Variants in TPD52L2 observed in about 807,000 individuals in gnomAD.
TPD52L2 encodes tumor protein D54.
In TPD52L2, 19 loss-of-function variants were observed where a neutral mutation model predicts 24.7. The ratio of observed to expected loss-of-function variants is 0.77; its 90% confidence interval spans 0.54 to 1.13. TPD52L2 has a LOEUF of 1.13. TPD52L2 is among the 50% of genes most tolerant of loss of function. The probability of loss-of-function intolerance (pLI) is 0.00; values close to 1 mark genes in which losing one functional copy is unlikely to be tolerated. For missense variants in TPD52L2, 236 were observed against 250.4 expected (o/e 0.94, Z 0.39); for synonymous variants, 104 against 100.2 (o/e 1.04, Z -0.23).
chr20:63,877,187 G>A lies in TPD52L2; in HGVS notation c.374+1312G>A, dbSNP rs531179152. Reference sequence around the variant, plus strand: ...ACTACAGGCGCCCGCCACCACGCCCGGCTAATTTTTTCTATTTTTAGTAGA... The same window carrying A: ...ACTACAGGCGCCCGCCACCACGCCCAGCTAATTTTTTCTATTTTTAGTAGA... On this transcript the variant is annotated intron_variant, in intron 4 of 6. Coordinates refer to ENST00000346249, the MANE Select transcript of TPD52L2 (RefSeq NM_003288.4). This position sits in a 1 kb window ranked among gnomAD's most constrained non-coding sequence, Gnocchi z 4.1. 23 of 346,584 alleles carry A rather than the reference G, an allele frequency of 6.6e-5. No individual in the cohort carries two copies. Among genetic ancestry groups the A allele is most frequent in the African/African-American group, 4.7e-4 (22 of 46,442 alleles). The allele number at this position is 346,584 out of a possible 1,614,324, so 21.5% of individuals were successfully genotyped here.
Position 63,890,318 on chromosome 20 carries a change from A to G in TPD52L2, c.*373A>G, listed in dbSNP as rs2053283804. 5 of 305,522 alleles carry G rather than the reference A, an allele frequency of 1.6e-5. No homozygotes were observed. In the East Asian group the frequency reaches 2.7e-4, roughly 16 times the overall value. 18.9% of individuals were successfully genotyped at this position (305,522 alleles called of 1,614,324 possible). ...GAGTTCTAAGCATAAAATAAGTGGC[A>G]TTTTCTGACTTCTTCCTCCTCCTCC... On this transcript the variant is annotated 3_prime_UTR_variant, in exon 7 of 7. Transcript: ENST00000346249.
At chr20:63,888,140 A>C (rs973491693) in intron 5 of TPD52L2, 12 of 159,872 alleles carry the variant, frequency 7.5e-5, no homozygotes, top group African/African-American at 2.9e-4. Context: ...CCTGATTCTC[A>C]GGAGAGCCCT....
chr20:63,876,355 T>A (rs2052676387), intron 4 of TPD52L2, among the ~76,000 whole-genome samples: 1 of 152,168 alleles, frequency 6.6e-6, no homozygotes, highest in African/African-American at 2.4e-5. Context: ...GTGTAGGATA[T>A]GCTGGTGGAA....
chr20:63,889,902 C>T lies in TPD52L2; in HGVS notation c.578C>T (p.Ala193Val), dbSNP rs374044947. 3.1e-5 allele frequency: 50 copies of T among 1,614,188 alleles called. 1 individual carries two copies. Among genetic ancestry groups the T allele is most frequent in the South Asian group, 1.4e-4 (13 of 91,084 alleles). Residue 193 changes from alanine to valine, a missense_variant, in exon 7 of 7, where the codon GCG becomes GTG. Transcript: ENST00000346249. ...ENGSDNLPSS[A>V]GSGDKPLSDP... ...GGCAGTGACAACCTCCCTTCCTCAG[C>T]GGGGAGTGGTGACAAGCCCCTGTCG... is the stretch of plus-strand genomic sequence containing the variant.
rs1188264448 is a variant in TPD52L2, at chr20:63,877,433, A to G, written c.374+1558A>G. 1.3e-5 allele frequency among the ~76,000 whole-genome samples: 2 copies of G among 152,190 alleles called. No individual in the cohort carries two copies. Among genetic ancestry groups the G allele is most frequent in the African/African-American group, 2.4e-5 (1 of 41,442 alleles). On this transcript the variant is annotated intron_variant, in intron 4 of 6. Coordinates refer to ENST00000346249, the MANE Select transcript of TPD52L2 (RefSeq NM_003288.4). The surrounding 1 kb of genome is among the most constrained non-coding windows in gnomAD (Gnocchi z 4.1). Reference sequence around the variant, plus strand: ...CTCGGCCTCCCAAAGTGCTGGGATGACAGGCGTGACCCACTGCACCCGGCT... The same window carrying G: ...CTCGGCCTCCCAAAGTGCTGGGATGGCAGGCGTGACCCACTGCACCCGGCT...
chr20:63,866,776 T>TA (rs2052258213), intron 1 of TPD52L2, among the ~76,000 whole-genome samples: 1 of 139,822 alleles, frequency 7.2e-6, no homozygotes. Flanking sequence ...TTTTTTTTTT[T>TA]AATTTTTTTT....
At chr20:63,887,635 G>C in intron 5 of TPD52L2, 1 of 1,609,990 alleles carries the variant, frequency 6.2e-7, no homozygotes, top group Non-Finnish European at 8.5e-7. Context: ...TGCGGCTCCA[G>C]AGCCGGGTGT....
chr20:63,882,026 G>A (rs368826408), intron 4 of TPD52L2, among the ~76,000 whole-genome samples: 1 of 152,202 alleles, frequency 6.6e-6, no homozygotes, highest in South Asian at 2.1e-4. Context: ...GGATAGAAGC[G>A]GGGCCTTCAC....
intron 4 of TPD52L2, 109 bp from the exon 5 acceptor site, chr20:63,882,610 A>G (rs983380401): frequency 3.4e-6 from 3 of 870,922 alleles, no homozygotes; most frequent in East Asian, 2.5e-5. Flanking sequence ...CCCTTGGCCC[A>G]GCTCCTTTCC....
rs2052721194 is a variant in TPD52L2, at chr20:63,877,211, G to T, written c.374+1336G>T. ...CGGCTAATTTTTTCTATTTTTAGTA[G>T]AGACAGGATTTCACCATGTCAGCCA... is the stretch of plus-strand genomic sequence containing the variant. On this transcript the variant is annotated intron_variant, in intron 4 of 6. Coordinates refer to ENST00000346249, the MANE Select transcript of TPD52L2 (RefSeq NM_003288.4). The surrounding 1 kb of genome is among the most constrained non-coding windows in gnomAD (Gnocchi z 4.1). 2.9e-6 allele frequency: 1 copy of T among 346,052 alleles called. No individual in the cohort carries two copies. The highest frequency in any genetic ancestry group is 2.2e-5 in the African/African-American group (1 of 46,392). 21.4% of individuals were successfully genotyped at this position (346,052 alleles called of 1,614,324 possible). A position where few individuals can be genotyped will look rare whatever the true frequency, so the allele number is the denominator to read the frequency against.
intron 5 of TPD52L2, among the ~76,000 whole-genome samples, chr20:63,884,411 C>T (rs1011550951): frequency 9.9e-5 from 15 of 152,224 alleles, no homozygotes; most frequent in Admixed American, 9.8e-4. Flanking sequence ...TTTGCCCACT[C>T]TTAGTGTCCA....
rs71325471 is a variant in TPD52L2 at position 63,889,989 on chromosome 20, C to T, written c.*44C>T. On this transcript the variant is annotated 3_prime_UTR_variant, in exon 7 of 7. Coordinates refer to ENST00000346249, the MANE Select transcript of TPD52L2 (RefSeq NM_003288.4). Reference sequence around the variant, plus strand: ...CGCTGCAGAGCACACGCAACCCAGCCTCAGCATCACAGCCGCAGCTCTGTT... The same window carrying T: ...CGCTGCAGAGCACACGCAACCCAGCTTCAGCATCACAGCCGCAGCTCTGTT... 3 of 1,611,400 alleles carry T rather than the reference C, an allele frequency of 1.9e-6. No homozygotes were observed. The highest frequency in any genetic ancestry group is 1.7e-5 in the Admixed American group (1 of 59,792).
At chr20:63,873,926 A>G in intron 3 of TPD52L2, 110 bp downstream of exon 3, 1 of 1,267,144 alleles carries the variant, frequency 7.9e-7, no homozygotes. Context: ...GCAGCCGTGG[A>G]GTTGAGTGGC....
rs974527227 is a variant in TPD52L2 at position 63,887,336 on chromosome 20, C to CG, written c.477-1854_477-1853insG. 61 of 644,644 alleles carry CG rather than the reference C, an allele frequency of 9.5e-5. No homozygotes were observed. The African/African-American group carries it at 1.0e-3, about 11-fold the overall frequency. The allele number at this position is 644,644 out of a possible 1,614,324, so 39.9% of individuals were successfully genotyped here. On this transcript the variant is annotated intron_variant, in intron 5 of 6. Transcript: ENST00000346249. ...AGCTTCCTATGGCAGTGCTCTCCCC[C>CG]CTCCCAGTGCTATGCGCTGGGCAAC...
Position 63,890,288 on chromosome 20 carries a change from T to C in TPD52L2, c.*343T>C. The C allele has an allele frequency of 2.3e-6, 1 of 439,954 alleles. No individual in the cohort carries two copies. The highest frequency in any genetic ancestry group is 4.0e-6 in the Non-Finnish European group (1 of 248,086). 27.3% of individuals were successfully genotyped at this position (439,954 alleles called of 1,614,324 possible). ...GTTAGCCCATCAGAATGTTGAAGGA[T>C]TGAAGAGTTCTAAGCATAAAATAAG... On this transcript the variant is annotated 3_prime_UTR_variant, in exon 7 of 7. Coordinates refer to ENST00000346249, the MANE Select transcript of TPD52L2 (RefSeq NM_003288.4).
At chr20:63,889,075 G>T in intron 5 of TPD52L2, 115 bp from the exon 6 acceptor site, 2 of 852,040 alleles carry the variant, frequency 2.3e-6, no homozygotes, top group Middle Eastern at 3.3e-4. Flanking sequence ...ATGAGATCTT[G>T]GGATGTTGTT....
At chr20:63,886,606 C>T (rs1289022385) in intron 5 of TPD52L2, among the ~76,000 whole-genome samples, 9 of 151,944 alleles carry the variant, frequency 5.9e-5, no homozygotes, top group Admixed American at 1.3e-4. Context: ...GCCTCGGCCT[C>T]CCAAAGTGCT....
At chr20:63,886,032 C>T in intron 5 of TPD52L2, 3 of 1,614,178 alleles carry the variant, frequency 1.9e-6, no homozygotes, top group South Asian at 1.1e-5. Flanking sequence ...TCCATTTTCA[C>T]ACTCCTTTAG....
chr20:63,867,614 T>C (rs963838150), intron 1 of TPD52L2, among the ~76,000 whole-genome samples: 2 of 151,844 alleles, frequency 1.3e-5, no homozygotes, highest in Non-Finnish European at 2.9e-5. Context: ...ACGCTTCGTT[T>C]AGTAAGCGTT....
Sources: gnomAD v4.1 joint callset for allele counts (sites outside exome capture counted in the v4.1 genomes callset) on GRCh38, gnomAD v4.1.1 for gene constraint, Gnocchi (gnomAD v3.1) non-coding constraint, MANE v1.5 for transcripts, NCBI Gene and HGNC (gene_info 2026-07-23, HGNC 2026-07-21) for gene names.